CAPN8: variants seen among roughly 807,000 people sequenced by gnomAD.
CAPN8 encodes calpain-8.
A neutral mutation model predicts 80.9 loss-of-function variants in CAPN8; 87 were observed. The observed-to-expected ratio is 1.07, with a 90% CI of 0.90 to 1.28. CAPN8 has a LOEUF of 1.28. CAPN8 is among the 50% of genes most tolerant of loss of function. The pLI is 0.00. For missense variants in CAPN8, 757 were observed against 702.0 expected, an observed-to-expected ratio of 1.08 and a Z score of -0.89; for synonymous variants, 299 against 273.8, an observed-to-expected ratio of 1.09 and a Z score of -0.91.
At chr1:223,615,123 A>T (rs1657133156) in intron 10 of CAPN8, among the ~76,000 whole-genome samples, 1 of 152,178 alleles carries the variant, frequency 6.6e-6, no homozygotes, top group Non-Finnish European at 1.5e-5. Context: ...CTGGTTTCTT[A>T]TTACAATATT....
At position 223,629,197 on chromosome 1, in the gene CAPN8, A is replaced by AGTGTGTGTGTGTGTGTGT. The variant is rs113967295; in HGVS notation, c.308-435_308-418dup. On this transcript the variant is annotated intron_variant, in intron 2 of 20. Transcript: ENST00000366872. ...CCAATCTATGATGTGTACGTGTAAG[A>AGTGTGTGTGTGTGTGTGT]GTGTGTGTGTGTGTGTGTGTGTGTG... Among the ~76,000 whole-genome samples, 140 of 95,266 alleles carry AGTGTGTGTGTGTGTGTGT rather than the reference A, an allele frequency of 1.5e-3. 1 individual carries two copies. The East Asian group carries it at 0.023, about 16-fold the overall frequency. 62.5% of individuals were successfully genotyped at this position (95,266 alleles called of 152,430 possible).
chr1:223,548,290 G>T (rs1460358379), intron 16 of CAPN8, among the ~76,000 whole-genome samples: 2 of 152,104 alleles, frequency 1.3e-5, no homozygotes, highest in African/African-American at 4.8e-5. Context: ...ACCCACTGTG[G>T]GCAAAGCTCT....
At chr1:223,542,640 A>G (rs968184154) in intron 20 of CAPN8, among the ~76,000 whole-genome samples, 23 of 152,150 alleles carry the variant, frequency 1.5e-4, no homozygotes, top group Admixed American at 1.1e-3. Context: ...ACAGGGGTGC[A>G]GTGTCCACGG....
intron 2 of CAPN8, among the ~76,000 whole-genome samples, chr1:223,639,163 C>G (rs1031220397): frequency 2.0e-5 from 3 of 152,150 alleles, no homozygotes; most frequent in Non-Finnish European, 4.4e-5. Flanking sequence ...TTGCTTGAAC[C>G]TGGGAGGCAG....
intron 2 of CAPN8, among the ~76,000 whole-genome samples, chr1:223,632,822 A>T (rs1657810606): frequency 6.6e-6 from 1 of 152,192 alleles, no homozygotes; most frequent in South Asian, 2.1e-4. Context: ...GTTAGTGCTC[A>T]CTCATGCGCT....
intron 6 of CAPN8, among the ~76,000 whole-genome samples, chr1:223,624,957 G>C (rs1036856862): frequency 2.0e-5 from 3 of 151,524 alleles, no homozygotes; most frequent in Admixed American, 1.3e-4. Flanking sequence ...GCTGGGCGTG[G>C]TGGCGGGCGC....
At position 223,541,742 on chromosome 1, in the gene CAPN8, C is replaced by A; in HGVS notation, c.*94G>T. 1 of 1,528,548 alleles carries A rather than the reference C, an allele frequency of 6.5e-7. No individual in the cohort carries two copies. Among genetic ancestry groups the A allele is most frequent in the Non-Finnish European group, 8.9e-7 (1 of 1,126,610 alleles). The allele number at this position is 1,528,548 out of a possible 1,614,324, so 94.7% of individuals were successfully genotyped here. On this transcript the variant is annotated 3_prime_UTR_variant, in exon 21 of 21. Coordinates refer to ENST00000366872, the MANE Select transcript of CAPN8 (RefSeq NM_001143962.2). Reference sequence around the variant, plus strand: ...GAAAGGTATGAACAACCAGTGAATGCCACTGGAGCATAAATGTTCACAAAA... The same window carrying A: ...GAAAGGTATGAACAACCAGTGAATGACACTGGAGCATAAATGTTCACAAAA...
At chr1:223,542,604 C>T (rs960122390) in intron 20 of CAPN8, among the ~76,000 whole-genome samples, 1 of 152,220 alleles carries the variant, frequency 6.6e-6, no homozygotes, top group Admixed American at 6.5e-5. Context: ...CTGCTGTCCC[C>T]TCTGGCCAGT....
intron 1 of CAPN8, among the ~76,000 whole-genome samples, chr1:223,660,540 C>T (rs1439931065): frequency 6.6e-6 from 1 of 152,220 alleles, no homozygotes; most frequent in African/African-American, 2.4e-5. Context: ...TGTCCTGAAA[C>T]CCTTGGGACA....
intron 14 of CAPN8, 113 bp downstream of exon 14, chr1:223,553,719 T>C (rs1045662286): frequency 0.074 from 29,396 of 397,744 alleles, 1,237 homozygotes; most frequent in Admixed American, 0.13. Flanking sequence ...CCCTGAGACC[T>C]GAGTCTCACC....
chr1:223,549,210 C>T, intron 16 of CAPN8, 108 bp downstream of exon 16: 4 of 1,406,656 alleles, frequency 2.8e-6, no homozygotes, highest in Non-Finnish European at 3.8e-6. Context: ...TGCTCTCTCC[C>T]CTTCTCATTT....
At chr1:223,647,594 G>T (rs1421677891) in intron 2 of CAPN8, among the ~76,000 whole-genome samples, 1 of 152,026 alleles carries the variant, frequency 6.6e-6, no homozygotes, top group Non-Finnish European at 1.5e-5. Flanking sequence ...ACAGGTCACA[G>T]ATTCCACTGT....
chr1:223,661,318 T>C (rs1405507233), intron 1 of CAPN8, among the ~76,000 whole-genome samples: 1 of 152,002 alleles, frequency 6.6e-6, no homozygotes, highest in Non-Finnish European at 1.5e-5. Context: ...TCACACCCAT[T>C]AGAATGGCTA....
At chr1:223,617,953 G>C (rs1439975213) in intron 9 of CAPN8, 2 of 338,812 alleles carry the variant, frequency 5.9e-6, no homozygotes, top group Non-Finnish European at 1.1e-5. Flanking sequence ...GGGAGCTTTG[G>C]GTTGGATGGG....
chr1:223,618,178 A>G, intron 9 of CAPN8: 1 of 1,527,456 alleles, frequency 6.5e-7, no homozygotes, highest in East Asian at 2.5e-5. Flanking sequence ...TGAAAAGTAG[A>G]GAGAGCAGGA....
chr1:223,643,811 T>G (rs929570947), intron 2 of CAPN8, among the ~76,000 whole-genome samples: 19 of 152,062 alleles, frequency 1.2e-4, no homozygotes, highest in Admixed American at 7.9e-4. Context: ...GCACCATAAT[T>G]CAGGCCCGGT....
intron 2 of CAPN8, among the ~76,000 whole-genome samples, chr1:223,635,143 A>G (rs749185191): frequency 9.9e-5 from 15 of 152,238 alleles, no homozygotes; most frequent in Non-Finnish European, 1.6e-4. Context: ...TCAATATTTT[A>G]TCACAGCTGA....
chr1:223,541,618 C>T lies in CAPN8; in HGVS notation c.*218G>A, dbSNP rs1406792814. The T allele has an allele frequency of 3.1e-6, 2 of 645,180 alleles. No individual in the cohort carries two copies. The allele number at this position is 645,180 out of a possible 1,614,324, so 40.0% of individuals were successfully genotyped here. A position where few individuals can be genotyped will look rare whatever the true frequency, so the allele number is the denominator to read the frequency against. On this transcript the variant is annotated 3_prime_UTR_variant, in exon 21 of 21. Transcript: ENST00000366872. ...TCACGAGAGAAAGGTGGAAACCATT[C>T]TGGCTCACAACTTTAATTGATTGCT... is the stretch of plus-strand genomic sequence containing the variant.
intron 9 of CAPN8, 73 bp from the exon 10 acceptor site, chr1:223,616,218 A>G: frequency 6.9e-7 from 1 of 1,450,160 alleles, no homozygotes; most frequent in Non-Finnish European, 9.2e-7. Flanking sequence ...AGTAAAAGGG[A>G]AGAAACTTGA....
Sources: allele counts gnomAD v4.1 joint callset (sites outside exome capture counted in the v4.1 genomes callset), GRCh38; gene constraint gnomAD v4.1.1; transcripts MANE v1.5; gene names NCBI Gene and HGNC (gene_info 2026-07-23, HGNC 2026-07-21).